Variants in MRGPRX3 observed in about 807,000 individuals in gnomAD.
The protein encoded by MRGPRX3 is MAS related GPR family member X3.
A neutral mutation model predicts 16.5 loss-of-function variants in MRGPRX3; 14 were observed. That is an observed-to-expected ratio of 0.85 (90% confidence interval 0.56 to 1.33). The LOEUF (loss-of-function observed/expected upper bound fraction) is 1.33, where lower values mean the gene tolerates loss of function less well. Ranked by LOEUF, MRGPRX3 falls within the 40% of genes most tolerant of loss-of-function variation. MRGPRX3 has a pLI of 0.00. For missense variants in MRGPRX3, 449 were observed against 413.0 expected (o/e 1.09, Z -0.76); for synonymous variants, 199 against 180.1 (o/e 1.10, Z -0.84).
At chr11:18,124,163 A>T (rs1564879136) in intron 1 of MRGPRX3, among the ~76,000 whole-genome samples, 1 of 152,140 alleles carries the variant, frequency 6.6e-6, no homozygotes, top group African/African-American at 2.4e-5. Flanking sequence ...CTCTTTTCCT[A>T]ATTGAATACC....
At chr11:18,136,786 C>A (rs556383075) in intron 1 of MRGPRX3, among the ~76,000 whole-genome samples, 13 of 152,258 alleles carry the variant, frequency 8.5e-5, no homozygotes, top group African/African-American at 2.9e-4. Flanking sequence ...GATCTTTTTT[C>A]CTGTCCAGAG....
upstream of MRGPRX3, among the ~76,000 whole-genome samples, chr11:18,129,570 A>T (rs944943964): frequency 6.6e-6 from 1 of 152,216 alleles, no homozygotes; most frequent in Non-Finnish European, 1.5e-5. Flanking sequence ...CAAAAAGTAC[A>T]AGACCAGATG....
chr11:18,131,184 A>G (rs1251294094), upstream of MRGPRX3, among the ~76,000 whole-genome samples: 1 of 152,174 alleles, frequency 6.6e-6, no homozygotes. Context: ...ATAAATAGAT[A>G]GGACTTAATT....
intron 1 of MRGPRX3, among the ~76,000 whole-genome samples, chr11:18,134,475 T>A (rs760324546): frequency 1.3e-5 from 2 of 152,356 alleles, no homozygotes; most frequent in East Asian, 3.9e-4. Context: ...TAAATAACTT[T>A]AAATGATTTA....
chr11:18,123,752 G>A (rs1408019648), intron 1 of MRGPRX3, among the ~76,000 whole-genome samples: 1 of 152,136 alleles, frequency 6.6e-6, no homozygotes, highest in Non-Finnish European at 1.5e-5. Context: ...GATGGGGATG[G>A]CATTGAATCT....
chr11:18,122,076 CTG>C (rs1848845466), intron 1 of MRGPRX3, among the ~76,000 whole-genome samples: 1 of 146,232 alleles, frequency 6.8e-6, no homozygotes, highest in Non-Finnish European at 1.5e-5. Context: ...TTAGAAATAA[CTG>C]TTGCAAGGAT....
At chr11:18,134,762 G>A (rs369139086) in intron 1 of MRGPRX3, among the ~76,000 whole-genome samples, 12 of 152,158 alleles carry the variant, frequency 7.9e-5, no homozygotes, top group East Asian at 7.7e-4. Flanking sequence ...AAAGGACGAG[G>A]GGAAGGAGAG....
upstream of MRGPRX3, among the ~76,000 whole-genome samples, chr11:18,131,290 C>T (rs7115029): frequency 0.051 from 7,757 of 152,072 alleles, 655 homozygotes; most frequent in African/African-American, 0.18. Context: ...AAGCATCTGA[C>T]CAAGGACTAA....
chr11:18,138,254 C>G lies in MRGPRX3; in HGVS notation c.*83C>G, dbSNP rs28624183. Reference sequence around the variant, plus strand: ...TGACAATTATATGCATTTTTCTTAGCCTTCTGCCTCAGAAATGTCTCAGTG... The same window carrying G: ...TGACAATTATATGCATTTTTCTTAGGCTTCTGCCTCAGAAATGTCTCAGTG... On this transcript the variant is annotated 3_prime_UTR_variant, in exon 2 of 2. Transcript: ENST00000621697. 14,709 of 1,511,928 alleles carry G rather than the reference C, an allele frequency of 9.7e-3. 1,215 individuals carry two copies. In the African/African-American group the frequency reaches 0.18, roughly 19 times the overall value. The allele number at this position is 1,511,928 out of a possible 1,614,324, so 93.7% of individuals were successfully genotyped here.
chr11:18,126,410 T>C (rs1004462377), intron 1 of MRGPRX3, among the ~76,000 whole-genome samples: 2 of 152,194 alleles, frequency 1.3e-5, no homozygotes, highest in African/African-American at 4.8e-5. Context: ...CTCTCAGCAT[T>C]TGCTTGTCTG....
At chr11:18,124,847 T>A (rs1012161696) in intron 1 of MRGPRX3, among the ~76,000 whole-genome samples, 1 of 152,250 alleles carries the variant, frequency 6.6e-6, no homozygotes, top group Non-Finnish European at 1.5e-5. Context: ...AAGATGTTAA[T>A]TATTACCTCA....
chr11:18,121,281 A>T, intron 1 of MRGPRX3: 1 of 158,398 alleles, frequency 6.3e-6, no homozygotes, highest in South Asian at 1.7e-4. Context: ...CCGTCTGGGA[A>T]GTGAGGAGCG....
At position 18,137,493 on chromosome 11, in the gene MRGPRX3, C is replaced by T. The variant is rs1246660867; in HGVS notation, c.291C>T (p.Ile97=). 3 of 1,614,022 alleles carry T rather than the reference C, an allele frequency of 1.9e-6. No individual in the cohort carries two copies. The highest frequency in any genetic ancestry group is 2.7e-5 in the African/African-American group (2 of 74,908). ...LINIRHPISK[I]LSPVMTFPYF... is the part of the protein sequence containing the mutation. ...ATATCCGCCATCCCATCTCCAAAAT[C>T]CTCAGTCCTGTGATGACCTTTCCCT... Residue 97 remains isoleucine, a synonymous_variant, in exon 2 of 2, where the codon ATC becomes ATT. Coordinates refer to ENST00000621697, the MANE Select transcript of MRGPRX3 (RefSeq NM_001370464.1).
intron 1 of MRGPRX3, among the ~76,000 whole-genome samples, chr11:18,121,432 C>T (rs1378306613): frequency 2.6e-5 from 4 of 152,038 alleles, no homozygotes; most frequent in African/African-American, 9.7e-5. Context: ...CCAGGCCACA[C>T]GCTCCGACCG....
At chr11:18,126,263 A>T (rs2134080305) in intron 1 of MRGPRX3, among the ~76,000 whole-genome samples, 1 of 152,304 alleles carries the variant, frequency 6.6e-6, no homozygotes, top group African/African-American at 2.4e-5. Flanking sequence ...TTTGCTCATT[A>T]GTTGATGCAG....
chr11:18,130,696 C>CA (rs3072496), upstream of MRGPRX3, among the ~76,000 whole-genome samples: 89,753 of 133,026 alleles, frequency 0.67, 33,859 homozygotes, highest in East Asian at 0.95. Flanking sequence ...GAACAACAAC[C>CA]AAAAAAAAAA....
chr11:18,138,082 G>T lies in MRGPRX3; in HGVS notation c.880G>T (p.Ala294Ser), dbSNP rs775418110. The T allele has an allele frequency of 5.6e-6, 9 of 1,614,186 alleles. No homozygotes were observed. The African/African-American group carries it at 9.3e-5, about 17-fold the overall frequency. The change falls in exon 2 of 2, where the codon GCT becomes TCT. Residue 294 changes from alanine to serine, a missense_variant. By Grantham distance (99) the Ala-to-Ser change is moderately conservative. Transcript: ENST00000621697. Reference protein sequence around the residue: ...RQNLKLVLQRALQDTPEVDEG... With the variant: ...RQNLKLVLQRSLQDTPEVDEG... Reference sequence around the variant, plus strand: ...GAACCTGAAGCTGGTTCTCCAGAGGGCTCTGCAGGACACGCCTGAGGTGGA... The same window carrying T: ...GAACCTGAAGCTGGTTCTCCAGAGGTCTCTGCAGGACACGCCTGAGGTGGA...
intron 1 of MRGPRX3, among the ~76,000 whole-genome samples, chr11:18,126,652 C>A (rs941996931): frequency 2.0e-5 from 3 of 152,114 alleles, no homozygotes; most frequent in Non-Finnish European, 4.4e-5. Flanking sequence ...TTCCCCCACC[C>A]CACAACCGTT....
In MRGPRX3 at chr11:18,138,374, C is replaced by T; in HGVS notation, c.*203C>T. On this transcript the variant is annotated 3_prime_UTR_variant, in exon 2 of 2. Coordinates refer to ENST00000621697, the MANE Select transcript of MRGPRX3 (RefSeq NM_001370464.1). ...AGTCTGACAGTACAATGTTTGGATT[C>T]TCCTTGATATTACCAATACATTTTC... The T allele has an allele frequency of 1.4e-6, 1 of 696,002 alleles. No homozygotes were observed. The highest frequency in any genetic ancestry group is 1.8e-5 in the African/African-American group (1 of 55,992). 43.1% of individuals were successfully genotyped at this position (696,002 alleles called of 1,614,324 possible). A position where few individuals can be genotyped will look rare whatever the true frequency, so the allele number is the denominator to read the frequency against.
Sources: gnomAD v4.1 joint callset for allele counts (sites outside exome capture counted in the v4.1 genomes callset) on GRCh38, gnomAD v4.1.1 for gene constraint, MANE v1.5 for transcripts, NCBI Gene and HGNC (gene_info 2026-07-23, HGNC 2026-07-21) for gene names.